The following EDIL3 variants were observed in gnomAD, a reference collection of about 807,000 sequenced individuals.
EDIL3 encodes the protein EGF-like repeat and discoidin I-like domain-containing protein 3.
EDIL3 carries 37 observed loss-of-function variants against 67.4 expected under a neutral mutation model. That is an observed-to-expected ratio of 0.55 (90% CI 0.42 to 0.72). EDIL3 has a LOEUF of 0.72. EDIL3 is among the 30% of genes least tolerant of loss of function. EDIL3 has a pLI of 0.00. For missense variants in EDIL3, 527 were observed against 586.3 expected (o/e 0.90, Z 1.04); for synonymous variants, 195 against 196.3 (o/e 0.99, Z 0.05).
intron 9 of EDIL3, among the ~76,000 whole-genome samples, chr5:83,967,607 A>G (rs1744720208): frequency 6.6e-6 from 1 of 152,146 alleles, no homozygotes; most frequent in Admixed American, 6.6e-5. Flanking sequence ...TTGGCAAAGC[A>G]TAAATATTTT....
At chr5:84,121,145 G>A (rs573375165) in intron 5 of EDIL3, among the ~76,000 whole-genome samples, 7 of 152,066 alleles carry the variant, frequency 4.6e-5, no homozygotes, top group South Asian at 4.1e-4. Flanking sequence ...GTGTACATAC[G>A]TTGAGCATTC....
At chr5:84,367,868 T>C (rs1747773400) in intron 1 of EDIL3, among the ~76,000 whole-genome samples, 1 of 152,312 alleles carries the variant, frequency 6.6e-6, no homozygotes, top group Admixed American at 6.5e-5. Flanking sequence ...AAGCTCTATG[T>C]GAGAAAAGAT....
At chr5:84,016,652 A>G (rs1447269926) in intron 9 of EDIL3, among the ~76,000 whole-genome samples, 1 of 152,220 alleles carries the variant, frequency 6.6e-6, no homozygotes, top group Non-Finnish European at 1.5e-5. Context: ...AAAATATTGT[A>G]TAAATCATCT....
chr5:84,311,224 T>C (rs1339807919), intron 1 of EDIL3, among the ~76,000 whole-genome samples: 2 of 152,090 alleles, frequency 1.3e-5, no homozygotes, highest in Non-Finnish European at 2.9e-5. Context: ...TTAGTTAGTG[T>C]GTTAACTTAT....
intron 1 of EDIL3, among the ~76,000 whole-genome samples, chr5:84,308,587 G>A (rs1369931309): frequency 6.6e-6 from 1 of 151,816 alleles, no homozygotes; most frequent in Non-Finnish European, 1.5e-5. Context: ...TATTTCCTTG[G>A]CCATGTACAA....
chr5:84,367,623 A>G (rs1200545145), intron 1 of EDIL3, among the ~76,000 whole-genome samples: 1 of 152,112 alleles, frequency 6.6e-6, no homozygotes, highest in Non-Finnish European at 1.5e-5. Context: ...TTCTACCAAG[A>G]ATACAAAAAA....
intron 3 of EDIL3, among the ~76,000 whole-genome samples, chr5:84,229,424 T>C (rs1459163477): frequency 1.3e-5 from 2 of 152,290 alleles, no homozygotes; most frequent in East Asian, 3.9e-4. Flanking sequence ...TGATGTTTGA[T>C]GCTAGTTATA....
At chr5:84,290,097 A>G (rs770100064) in intron 1 of EDIL3, among the ~76,000 whole-genome samples, 1 of 152,104 alleles carries the variant, frequency 6.6e-6, no homozygotes, top group Non-Finnish European at 1.5e-5. Flanking sequence ...TGGATCCTGA[A>G]AGCTCACAAG....
chr5:84,306,491 C>A (rs1354815522), intron 1 of EDIL3, among the ~76,000 whole-genome samples: 1 of 152,098 alleles, frequency 6.6e-6, no homozygotes, highest in Admixed American at 6.6e-5. Flanking sequence ...TCCCTGGGAT[C>A]TGGGATTATG....
At chr5:84,059,001 G>C (rs1282507575) in intron 9 of EDIL3, among the ~76,000 whole-genome samples, 1 of 152,076 alleles carries the variant, frequency 6.6e-6, no homozygotes, top group African/African-American at 2.4e-5. Context: ...GCTAATGAGA[G>C]CTGAATAAAG....
At chr5:84,081,858 T>C (rs1442821866) in intron 6 of EDIL3, among the ~76,000 whole-genome samples, 1 of 136,432 alleles carries the variant, frequency 7.3e-6, no homozygotes, top group Non-Finnish European at 1.6e-5. Flanking sequence ...TTCTAAGAGC[T>C]GACCCAGGCA....
At position 83,943,553 on chromosome 5, in the gene EDIL3, A is replaced by C. The variant is rs2112109302; in HGVS notation, c.1309T>G (p.Phe437Val). 1 of 1,612,130 alleles carries C rather than the reference A, an allele frequency of 6.2e-7. No individual in the cohort carries two copies. The highest frequency in any genetic ancestry group is 2.2e-5 in the East Asian group (1 of 44,642). The change falls in exon 11 of 11, where the codon TTT becomes GTT. Residue 437 changes from phenylalanine (F) to valine (V), a missense_variant. Phe to Val is a conservative substitution (Grantham distance 50, BLOSUM62 -1). This residue lies in a region of EDIL3 where 33 missense variants were observed against 63.7 expected (regional missense o/e 0.52). Coordinates refer to ENST00000296591, the MANE Select transcript of EDIL3 (RefSeq NM_005711.5). ...TTTTTTCTGTGAGTGTCATTGTCAA[A>C]ATTTCCCTGGAAAACCTAATAAAGA... ...QRKDKVFQGN[F>V]DNDTHRKNVI...
intron 9 of EDIL3, among the ~76,000 whole-genome samples, chr5:84,049,067 C>T (rs1418213604): frequency 1.3e-5 from 2 of 152,100 alleles, no homozygotes; most frequent in African/African-American, 4.8e-5. Flanking sequence ...AATACAGTTT[C>T]AGTAGAGAAG....
intron 10 of EDIL3, among the ~76,000 whole-genome samples, chr5:83,944,119 A>T (rs1306515704): frequency 1.3e-5 from 2 of 152,062 alleles, no homozygotes; most frequent in Non-Finnish European, 2.9e-5. Flanking sequence ...ACAGCAAAGG[A>T]GGCTGGGCAC....
chr5:83,987,873 A>G (rs867864059), intron 9 of EDIL3, among the ~76,000 whole-genome samples: 161 of 126,846 alleles, frequency 1.3e-3, no homozygotes, highest in Middle Eastern at 0.012. Flanking sequence ...GTGTATGTAT[A>G]TATATATATA....
chr5:83,989,577 G>A (rs1346396035), intron 9 of EDIL3, among the ~76,000 whole-genome samples: 1 of 152,210 alleles, frequency 6.6e-6, no homozygotes, highest in East Asian at 1.9e-4. Flanking sequence ...AGACTGAGGA[G>A]AATACAGGAT....
chr5:84,365,869 TG>T (rs1368644839), intron 1 of EDIL3, among the ~76,000 whole-genome samples: 2 of 152,138 alleles, frequency 1.3e-5, no homozygotes, highest in Non-Finnish European at 2.9e-5. Context: ...GCACATTACA[TG>T]GGTTATTTCT....
At chr5:84,030,604 T>C (rs376584435) in intron 9 of EDIL3, among the ~76,000 whole-genome samples, 2 of 152,220 alleles carry the variant, frequency 1.3e-5, no homozygotes, top group East Asian at 3.8e-4. Flanking sequence ...AATTTAAATG[T>C]GTATCTTAAA....
chr5:84,345,070 G>A (rs1490790797), intron 1 of EDIL3, among the ~76,000 whole-genome samples: 1 of 151,986 alleles, frequency 6.6e-6, no homozygotes, highest in Admixed American at 6.6e-5. Flanking sequence ...TTTTCCCATG[G>A]CTCATTTTGT....
Sources: allele counts gnomAD v4.1 joint callset (sites outside exome capture counted in the v4.1 genomes callset), GRCh38; gene constraint gnomAD v4.1.1; regional missense constraint gnomAD v4.1.1; transcripts MANE v1.5; gene names NCBI Gene and HGNC (gene_info 2026-07-23, HGNC 2026-07-21).